Variants in AGTRAP observed in about 807,000 individuals in gnomAD.
AGTRAP encodes type-1 angiotensin II receptor-associated protein.
In AGTRAP, 7 loss-of-function variants were observed where a neutral mutation model predicts 15.2. The ratio of observed to expected loss-of-function variants is 0.46; its 90% CI spans 0.26 to 0.87. AGTRAP has a LOEUF of 0.87. Ranked by LOEUF, AGTRAP falls within the 40% of genes least tolerant of loss-of-function variation. AGTRAP has a pLI of 0.15. For synonymous variants in AGTRAP, 74 were observed against 89.6 expected (o/e 0.83, Z 0.98); for missense variants, 187 against 213.4 (o/e 0.88, Z 0.77).
rs554711833 is a variant in AGTRAP at position 11,738,263 on chromosome 1, G to A, written c.27+2028G>A. Among the ~76,000 whole-genome samples, 5 of 152,106 alleles carry A rather than the reference G, an allele frequency of 3.3e-5. 1 individual carries two copies. Among genetic ancestry groups the A allele is most frequent in the Admixed American group, 3.3e-4 (5 of 15,276 alleles). On this transcript the variant is annotated intron_variant, in intron 1 of 4. Coordinates refer to ENST00000314340, the MANE Select transcript of AGTRAP (RefSeq NM_020350.5). ...GGGCAAGGGCTGAGTGCCTGCTTCT[G>A]CCCAGCTCAGCCAGAGTGGGCAGTG...
rs759090894 is a variant in AGTRAP, at chr1:11,750,136, C to CCCGCAGAT, written c.427_434dup (p.Phe146GlnfsTer49). On this transcript the variant is annotated frameshift_variant, in exon 5 of 5. Transcript: ENST00000314340. LOFTEE classifies it low-confidence loss of function (END_TRUNC). ...CCAGACGATTGACTCAGCAGAGGCG[C>CCCGCAGAT]CCGCAGATCCCTTTGCAGTCCCAGA... The CCCGCAGAT allele has an allele frequency of 5.0e-6, 8 of 1,613,948 alleles. 1 individual carries two copies. In the Admixed American group the frequency reaches 5.0e-5, roughly 10 times the overall value.
chr1:11,743,049 T>C (rs1642071141), intron 1 of AGTRAP, among the ~76,000 whole-genome samples: 1 of 152,158 alleles, frequency 6.6e-6, no homozygotes, highest in Non-Finnish European at 1.5e-5. Context: ...AATTTGGGGC[T>C]CCTGGCCTCC....
intron 1 of AGTRAP, among the ~76,000 whole-genome samples, chr1:11,742,940 G>A (rs970113491): frequency 5.3e-5 from 8 of 152,136 alleles, no homozygotes; most frequent in Non-Finnish European, 8.8e-5. Flanking sequence ...CACTGCCTCT[G>A]CCCCAGGCAT....
Position 11,748,411 on chromosome 1 carries a change from G to A in AGTRAP, c.169-4G>A, listed in dbSNP as rs1186082845. The A allele has an allele frequency of 1.9e-6, 3 of 1,612,790 alleles. No individual in the cohort carries two copies. Among genetic ancestry groups the A allele is most frequent in the Non-Finnish European group, 2.5e-6 (3 of 1,179,534 alleles). On this transcript the variant is annotated splice_polypyrimidine_tract_variant and splice_region_variant and intron_variant, in intron 3 of 4. Transcript: ENST00000314340. Reference sequence around the variant, plus strand: ...TGTGCTCATCAGTGTGGTGTGTCTTGCAGTTTCTGGGTGGCTTGCTGGCCA... The same window carrying A: ...TGTGCTCATCAGTGTGGTGTGTCTTACAGTTTCTGGGTGGCTTGCTGGCCA...
intron 1 of AGTRAP, among the ~76,000 whole-genome samples, chr1:11,741,322 A>G (rs1275525329): frequency 1.3e-5 from 2 of 152,016 alleles, no homozygotes; most frequent in Non-Finnish European, 2.9e-5. Context: ...CTTTCCTTCA[A>G]TCAGGTGCTT....
intron 1 of AGTRAP, among the ~76,000 whole-genome samples, chr1:11,740,721 G>C (rs1174789597): frequency 6.6e-6 from 1 of 152,172 alleles, no homozygotes; most frequent in African/African-American, 2.4e-5. Context: ...GGGCTCTGCA[G>C]GGCCCATTTA....
In AGTRAP at chr1:11,745,966, T is replaced by C; in HGVS notation, c.62+129T>C. The stretch of plus-strand genomic sequence containing the variant: ...CCAGACAGCTCTGCCTCTCCGGGTC[T>C]TGATTTCCGTCTGTACAATAGGCAT... On this transcript the variant is annotated intron_variant, in intron 2 of 4. Coordinates refer to ENST00000314340, the MANE Select transcript of AGTRAP (RefSeq NM_020350.5). The surrounding 1 kb of genome is among the most constrained non-coding windows in gnomAD (Gnocchi z 4.2). 1 of 1,389,188 alleles carries C rather than the reference T, an allele frequency of 7.2e-7. No homozygotes were observed. The highest frequency in any genetic ancestry group is 1.4e-5 in the African/African-American group (1 of 70,502). 86.1% of individuals were successfully genotyped at this position (1,389,188 alleles called of 1,614,324 possible).
In AGTRAP at chr1:11,745,418, C is replaced by G. The variant is rs908774592; in HGVS notation, c.28-385C>G. The stretch of plus-strand genomic sequence containing the variant: ...CTTTATGACCTGTACCTTGTGCTGA[C>G]CTCCTGTCTCATCCTGTGACTTAGA... On this transcript the variant is annotated intron_variant, in intron 1 of 4. Transcript: ENST00000314340. The surrounding 1 kb of genome is among the most constrained non-coding windows in gnomAD (Gnocchi z 4.2). Among the ~76,000 whole-genome samples, 1 of 152,148 alleles carries G rather than the reference C, an allele frequency of 6.6e-6. No individual in the cohort carries two copies. The highest frequency in any genetic ancestry group is 6.5e-5 in the Admixed American group (1 of 15,276).
At chr1:11,746,100 C>T in intron 2 of AGTRAP, 1 of 1,606,794 alleles carries the variant, frequency 6.2e-7, no homozygotes, top group Non-Finnish European at 8.5e-7. Context: ...TGATTTTCAC[C>T]TTTACCATCT....
chr1:11,745,713 G>A lies in AGTRAP; in HGVS notation c.28-90G>A, dbSNP rs1642144458. On this transcript the variant is annotated intron_variant, in intron 1 of 4. Coordinates refer to ENST00000314340, the MANE Select transcript of AGTRAP (RefSeq NM_020350.5). This position sits in a 1 kb window ranked among gnomAD's most constrained non-coding sequence, Gnocchi z 4.2. ...AGGCCCTCAGAGGTGCCAGGCGCAG[G>A]GGCGTCCTGTGTTTTCTGCACCCGA... 1 of 1,413,966 alleles carries A rather than the reference G, an allele frequency of 7.1e-7. No individual in the cohort carries two copies. Among genetic ancestry groups the A allele is most frequent in the Non-Finnish European group, 1.0e-6 (1 of 998,560 alleles). 87.6% of individuals were successfully genotyped at this position (1,413,966 alleles called of 1,614,324 possible).
intron 4 of AGTRAP, 103 bp downstream of exon 4, chr1:11,748,713 G>C: frequency 7.5e-7 from 1 of 1,337,238 alleles, no homozygotes; most frequent in Non-Finnish European, 1.0e-6. Flanking sequence ...TGGGGCCAGG[G>C]CTCAAGGTGC....
intron 3 of AGTRAP, among the ~76,000 whole-genome samples, chr1:11,747,769 T>C (rs1457635010): frequency 1.3e-5 from 2 of 152,232 alleles, no homozygotes; most frequent in Non-Finnish European, 1.5e-5. Flanking sequence ...ACCCCAAGTC[T>C]GCCATTATCT....
chr1:11,748,831 T>A (rs994042493), intron 4 of AGTRAP, among the ~76,000 whole-genome samples: 5 of 152,094 alleles, frequency 3.3e-5, no homozygotes, highest in Admixed American at 1.3e-4. Flanking sequence ...TGCCGTGACC[T>A]TCTTCTGCTG....
In AGTRAP at chr1:11,748,521, C is replaced by G. The variant is rs1245871680; in HGVS notation, c.275C>G (p.Ala92Gly). The G allele has an allele frequency of 1.2e-6, 2 of 1,612,392 alleles. No individual in the cohort carries two copies. Residue 92 changes from alanine to glycine, a missense_variant, in exon 4 of 5, where the codon GCC becomes GGC. Coordinates refer to ENST00000314340, the MANE Select transcript of AGTRAP (RefSeq NM_020350.5). ...ACGGGCCGCTTTGGCGTGGGCATGG[C>G]CATCCTCAGCTTGCTGCTCAAGCCG... The part of the protein sequence containing the change: ...TDTGRFGVGM[A>G]ILSLLLKPLS...
At chr1:11,744,277 A>G (rs939239574) in intron 1 of AGTRAP, among the ~76,000 whole-genome samples, 1 of 152,178 alleles carries the variant, frequency 6.6e-6, no homozygotes, top group Non-Finnish European at 1.5e-5. Flanking sequence ...CCTGTCTCCA[A>G]ATTTAAAAAG....
chr1:11,750,375 C>A lies in AGTRAP; in HGVS notation c.*183C>A. 1 of 658,244 alleles carries A rather than the reference C, an allele frequency of 1.5e-6. No homozygotes were observed. The highest frequency in any genetic ancestry group is 2.7e-6 in the Non-Finnish European group (1 of 364,472). 40.8% of individuals were successfully genotyped at this position (658,244 alleles called of 1,614,324 possible). On this transcript the variant is annotated 3_prime_UTR_variant, in exon 5 of 5. Coordinates refer to ENST00000314340, the MANE Select transcript of AGTRAP (RefSeq NM_020350.5). ...CCCAGTACCATGCACACTCCTGTCC[C>A]GAACTCCCTGAGGCCTCCCCTCCCT...
rs936313135 is a variant in AGTRAP at position 11,750,058 on chromosome 1, C to G, written c.365-19C>G. ...CTCACCCTTCATTTTTCTTTCCCACCATGTCCCCTGTCACCTAGGTTTCCT... is the reference window on the plus strand; with the variant it reads ...CTCACCCTTCATTTTTCTTTCCCACGATGTCCCCTGTCACCTAGGTTTCCT... On this transcript the variant is annotated intron_variant, in intron 4 of 4. Transcript: ENST00000314340. The G allele has an allele frequency of 1.3e-6, 2 of 1,597,608 alleles. No individual in the cohort carries two copies. Among genetic ancestry groups the G allele is most frequent in the Non-Finnish European group, 1.7e-6 (2 of 1,165,884 alleles).
chr1:11,745,355 G>C lies in AGTRAP; in HGVS notation c.28-448G>C, dbSNP rs1642135756. On this transcript the variant is annotated intron_variant, in intron 1 of 4. Transcript: ENST00000314340. This position sits in a 1 kb window ranked among gnomAD's most constrained non-coding sequence, Gnocchi z 4.2. Reference sequence around the variant, plus strand: ...GCCATCTTGATTTGGGTGGGTTTTAGCCGGCTTCTTTACTGTAACCCGTTT... The same window carrying C: ...GCCATCTTGATTTGGGTGGGTTTTACCCGGCTTCTTTACTGTAACCCGTTT... Among the ~76,000 whole-genome samples, 3 of 152,166 alleles carry C rather than the reference G, an allele frequency of 2.0e-5. 1 individual carries two copies. In the South Asian group the frequency reaches 6.2e-4, roughly 32 times the overall value.
At chr1:11,744,413 C>T (rs1642110099) in intron 1 of AGTRAP, 2 of 583,596 alleles carry the variant, frequency 3.4e-6, no homozygotes, top group Non-Finnish European at 6.4e-6. Flanking sequence ...CCTCGTTGCA[C>T]TTGGCATGAA....
Sources: allele counts gnomAD v4.1 joint callset (sites outside exome capture counted in the v4.1 genomes callset), GRCh38; gene constraint gnomAD v4.1.1; non-coding constraint Gnocchi (gnomAD v3.1); transcripts MANE v1.5; gene names NCBI Gene and HGNC (gene_info 2026-07-23, HGNC 2026-07-21).